The following ARMC9 variants were observed in gnomAD, a reference collection of about 807,000 sequenced individuals.
The protein encoded by ARMC9 is armadillo repeat containing 9.
Under a neutral mutation model 107.0 loss-of-function variants are expected in ARMC9, and 94 were observed. That is an observed-to-expected ratio of 0.88 (90% CI 0.74 to 1.04). ARMC9 has a LOEUF of 1.04. ARMC9 is among the 50% of genes least tolerant of loss of function. The pLI is 0.00. For missense variants in ARMC9, 942 were observed against 1,030.1 expected (o/e 0.91, Z 1.17); for synonymous variants, 380 against 396.9 (o/e 0.96, Z 0.51).
chr2:231,224,963 C>T (rs1360551142), intron 6 of ARMC9, among the ~76,000 whole-genome samples: 1 of 152,182 alleles, frequency 6.6e-6, no homozygotes, highest in Non-Finnish European at 1.5e-5. Context: ...TAGACAAACT[C>T]AGAGACTAGG....
chr2:231,349,875 A>G (rs759763809), intron 21 of ARMC9, among the ~76,000 whole-genome samples: 22 of 151,988 alleles, frequency 1.4e-4, no homozygotes, highest in Non-Finnish European at 2.2e-4. Flanking sequence ...TAACTAAAAG[A>G]GTATGATTGG....
intron 3 of ARMC9, among the ~76,000 whole-genome samples, chr2:231,210,844 T>A (rs1195084537): frequency 2.0e-5 from 3 of 152,230 alleles, no homozygotes; most frequent in African/African-American, 7.2e-5. Context: ...CACATTGTTG[T>A]GAAACAGATC....
chr2:231,296,225 C>T lies in ARMC9; in HGVS notation c.1745C>T (p.Ser582Phe). ...GAGCTACCAGATGGTGTTCTTGAAT[C>T]TGATGATGATGAAGATGAAGATGAT... ...SEELPDGVLE[S>F]DDDEDEDDEE... The change falls in exon 19 of 25, where the codon TCT becomes TTT. Residue 582 changes from serine (S) to phenylalanine (F), a missense_variant. By Grantham distance (155) the Ser-to-Phe change is radical. Transcript: ENST00000611582. The T allele has an allele frequency of 6.2e-7, 1 of 1,613,388 alleles. No individual in the cohort carries two copies.
chr2:231,337,936 G>T (rs2044243889), intron 20 of ARMC9, among the ~76,000 whole-genome samples: 1 of 152,230 alleles, frequency 6.6e-6, no homozygotes, highest in South Asian at 2.1e-4. Context: ...ACTATCTCTT[G>T]TTGTCTTTCC....
At chr2:231,365,924 T>C (rs2125597589) in intron 23 of ARMC9, among the ~76,000 whole-genome samples, 1 of 152,244 alleles carries the variant, frequency 6.6e-6, no homozygotes, top group South Asian at 2.1e-4. Context: ...TCAGCTATTT[T>C]CTCCAGTGCC....
chr2:231,277,243 A>G (rs138269252), intron 15 of ARMC9, among the ~76,000 whole-genome samples: 44 of 152,248 alleles, frequency 2.9e-4, no homozygotes, highest in Non-Finnish European at 3.8e-4. Flanking sequence ...ATACTTGATC[A>G]GTCATTTATA....
rs2046027545 is a variant in ARMC9, at chr2:231,371,725, C to G, written c.*190C>G. On this transcript the variant is annotated 3_prime_UTR_variant, in exon 25 of 25. Transcript: ENST00000611582. ...AGCCCCGCCAGCCGGGTCACTTTCT[C>G]CCAGGGCAGAGCCACCAAGGAGGGC... The G allele has an allele frequency of 1.9e-6, 1 of 515,698 alleles. No homozygotes were observed. Among genetic ancestry groups the G allele is most frequent in the Non-Finnish European group, 3.0e-6 (1 of 334,498 alleles). 31.9% of individuals were successfully genotyped at this position (515,698 alleles called of 1,614,324 possible). A position where few individuals can be genotyped will look rare whatever the true frequency, so the allele number is the denominator to read the frequency against.
rs202061783 is a variant in ARMC9, at chr2:231,285,645, C to CAA, written c.1626+3523_1626+3524dup. On this transcript the variant is annotated intron_variant, in intron 17 of 24. Transcript: ENST00000611582. ...TGTGCAACAGGGTGAGACTCCGTCT[C>CAA]AAAAAAAAAAAAGACGTAAGTAGAA... is the stretch of plus-strand genomic sequence containing the variant. Among the ~76,000 whole-genome samples, 788 of 140,666 alleles carry CAA rather than the reference C, an allele frequency of 5.6e-3. 6 individuals carry two copies. Among genetic ancestry groups the CAA allele is most frequent in the African/African-American group, 0.019 (709 of 37,964 alleles). 92.3% of individuals were successfully genotyped at this position (140,666 alleles called of 152,430 possible). A position where few individuals can be genotyped will look rare whatever the true frequency, so the allele number is the denominator to read the frequency against.
intron 8 of ARMC9, among the ~76,000 whole-genome samples, chr2:231,238,720 A>G (rs1464105542): frequency 6.6e-6 from 1 of 152,254 alleles, no homozygotes; most frequent in Non-Finnish European, 1.5e-5. Context: ...GAATGGACTC[A>G]GGATAATATA....
At chr2:231,250,869 A>G (rs758241200) in intron 9 of ARMC9, among the ~76,000 whole-genome samples, 1 of 152,190 alleles carries the variant, frequency 6.6e-6, no homozygotes, top group Non-Finnish European at 1.5e-5. Flanking sequence ...TTCTAGGGGA[A>G]GTTGCTCAGT....
intron 5 of ARMC9, among the ~76,000 whole-genome samples, chr2:231,220,962 C>T (rs1331356641): frequency 1.3e-5 from 2 of 152,222 alleles, no homozygotes; most frequent in Non-Finnish European, 2.9e-5. Flanking sequence ...CAGTCCTTTC[C>T]TGAGATTCTT....
chr2:231,269,784 A>G (rs1699605973), intron 12 of ARMC9, among the ~76,000 whole-genome samples: 1 of 151,938 alleles, frequency 6.6e-6, no homozygotes, highest in Admixed American at 6.5e-5. Context: ...AGTTTCTTAT[A>G]TCTTTGAGGA....
intron 22 of ARMC9, among the ~76,000 whole-genome samples, chr2:231,359,062 CTTAG>C (rs1057375950): frequency 1.5e-4 from 21 of 140,172 alleles, no homozygotes; most frequent in African/African-American, 3.3e-4. Context: ...TCCTGGCTGT[CTTAG>C]TTAGGGGGGT....
At chr2:231,351,596 C>A (rs141112720) in intron 21 of ARMC9, among the ~76,000 whole-genome samples, 5 of 151,986 alleles carry the variant, frequency 3.3e-5, no homozygotes, top group South Asian at 4.2e-4. Flanking sequence ...AAATGAGAAA[C>A]CTTTTAGTGT....
At position 231,360,736 on chromosome 2, in the gene ARMC9, TTCTC is replaced by T; in HGVS notation, c.2132-15_2132-12del. 15 of 1,536,058 alleles carry T rather than the reference TTCTC, an allele frequency of 9.8e-6. No individual in the cohort carries two copies. Among genetic ancestry groups the T allele is most frequent in the Non-Finnish European group, 1.3e-5 (15 of 1,146,880 alleles). On this transcript the variant is annotated splice_polypyrimidine_tract_variant and intron_variant, in intron 22 of 24. Coordinates refer to ENST00000611582, the MANE Select transcript of ARMC9 (RefSeq NM_001352754.2). The surrounding 1 kb of genome is among the most constrained non-coding windows in gnomAD (Gnocchi z 4.7). ...CTCCAGAGCAGATGTGGACTGAACT[TTCTC>T]TCCTCCTCCCCAGCAGCCATCATCG...
chr2:231,296,297 A>T (rs1297359526), intron 19 of ARMC9, 44 bp downstream of exon 19: 3 of 1,489,242 alleles, frequency 2.0e-6, no homozygotes, highest in Admixed American at 3.6e-5. Context: ...CCCATACCAA[A>T]CTATTCTCTC....
At chr2:231,227,371 G>GCGC in intron 7 of ARMC9, among the ~76,000 whole-genome samples, 1 of 152,350 alleles carries the variant, frequency 6.6e-6, no homozygotes, top group South Asian at 2.1e-4. Flanking sequence ...CCCAGTTGGG[G>GCGC]CGCTGTACCT....
chr2:231,203,561 G>T (rs1436607424), intron 1 of ARMC9, among the ~76,000 whole-genome samples: 2 of 152,172 alleles, frequency 1.3e-5, no homozygotes, highest in Non-Finnish European at 2.9e-5. Flanking sequence ...TCAGCAGCCG[G>T]GCGTGGTGGC....
intron 24 of ARMC9, 93 bp from the exon 25 acceptor site, chr2:231,371,420 C>T: frequency 7.5e-7 from 1 of 1,324,804 alleles, no homozygotes; most frequent in Non-Finnish European, 9.7e-7. Flanking sequence ...TCCCTCGCTT[C>T]TGAGCCGGCT....
Sources: allele counts gnomAD v4.1 joint callset (sites outside exome capture counted in the v4.1 genomes callset), GRCh38; gene constraint gnomAD v4.1.1; non-coding constraint Gnocchi (gnomAD v3.1); transcripts MANE v1.5; gene names NCBI Gene and HGNC (gene_info 2026-07-23, HGNC 2026-07-21).